Variants in NRG3 observed in about 807,000 individuals in gnomAD.
NRG3 encodes neuregulin 3.
NRG3 carries 31 observed loss-of-function variants against 66.9 expected under a neutral mutation model. That is an observed-to-expected ratio of 0.46 (90% CI 0.35 to 0.63). The LOEUF (loss-of-function observed/expected upper bound fraction) is 0.63, where lower values mean the gene tolerates loss of function less well. Ranked by LOEUF, NRG3 falls within the 20% of genes least tolerant of loss-of-function variation. The pLI is 0.00. For synonymous variants in NRG3, 393 were observed against 359.4 expected, an observed-to-expected ratio of 1.09 and a Z score of -1.06; for missense variants, 910 against 878.9, an observed-to-expected ratio of 1.04 and a Z score of -0.45.
chr10:82,620,675 G>T (rs11595642), intron 2 of NRG3, among the ~76,000 whole-genome samples: 20,056 of 152,126 alleles, frequency 0.13, 1,656 homozygotes, highest in Admixed American at 0.22. Flanking sequence ...CAAAAAGAAA[G>T]AATCAGGAGA....
Position 82,816,680 on chromosome 10 carries a change from A to C in NRG3, c.1028-48731A>C, listed in dbSNP as rs185776856. The stretch of plus-strand genomic sequence containing the variant: ...TCCTACTTCCTTAATCATGTTGTCC[A>C]TAGTGCCCAGTCTGTTCAAGTGGAG... On this transcript the variant is annotated intron_variant, in intron 3 of 8. Transcript: ENST00000372141. 2.0e-5 allele frequency among the ~76,000 whole-genome samples: 3 copies of C among 152,256 alleles called. No individual in the cohort carries two copies. In the East Asian group the frequency reaches 5.8e-4, roughly 30 times the overall value.
intron 2 of NRG3, among the ~76,000 whole-genome samples, chr10:82,402,140 C>A (rs1312055615): frequency 2.0e-5 from 3 of 151,706 alleles, no homozygotes; most frequent in African/African-American, 4.8e-5. Context: ...AAATATTTAG[C>A]CTCTTATGTT....
intron 1 of NRG3, among the ~76,000 whole-genome samples, chr10:82,024,898 A>T (rs1459213883): frequency 6.6e-6 from 1 of 152,084 alleles, no homozygotes. Flanking sequence ...ATCATAATTT[A>T]TTTGAGAGGT....
At chr10:82,010,059 C>A (rs1435461819) in intron 1 of NRG3, among the ~76,000 whole-genome samples, 3 of 152,130 alleles carry the variant, frequency 2.0e-5, no homozygotes, top group Non-Finnish European at 4.4e-5. Context: ...CAGACTGTGT[C>A]CACAATGCAG....
At chr10:81,939,503 G>A (rs914954320) in intron 1 of NRG3, among the ~76,000 whole-genome samples, 3 of 151,844 alleles carry the variant, frequency 2.0e-5, no homozygotes, top group African/African-American at 4.8e-5. Context: ...TTGGTAAGTT[G>A]TATGTTTCTA....
intron 1 of NRG3, among the ~76,000 whole-genome samples, chr10:82,220,897 T>A (rs113128554): frequency 5.9e-5 from 9 of 152,200 alleles, no homozygotes; most frequent in African/African-American, 2.2e-4. Context: ...CTTCAGAGGA[T>A]TGCTTGAGCC....
At chr10:82,327,785 A>G (rs2081949164) in intron 1 of NRG3, among the ~76,000 whole-genome samples, 1 of 152,182 alleles carries the variant, frequency 6.6e-6, no homozygotes, top group Non-Finnish European at 1.5e-5. Flanking sequence ...CTTAAACAAC[A>G]GAAATTTCTC....
At chr10:82,153,529 G>A (rs549848921) in intron 1 of NRG3, among the ~76,000 whole-genome samples, 1 of 151,892 alleles carries the variant, frequency 6.6e-6, no homozygotes, top group Admixed American at 6.6e-5. Flanking sequence ...AATTATGAGT[G>A]CAGGTATCTC....
At position 81,903,431 on chromosome 10, in the gene NRG3, A is replaced by G. The variant is rs980323618; in HGVS notation, c.823+27268A>G. Among the ~76,000 whole-genome samples the G allele has an allele frequency of 2.6e-5, 4 of 152,208 alleles. No individual in the cohort carries two copies. In the South Asian group the frequency reaches 6.2e-4, roughly 24 times the overall value. ...AGTCCAAGCAGTGGGTTAACATGAT[A>G]AAGGAAAACAAAATTAAATAAGCTG... On this transcript the variant is annotated intron_variant, in intron 1 of 8. Transcript: ENST00000372141.
intron 1 of NRG3, among the ~76,000 whole-genome samples, chr10:81,902,900 T>C (rs1451983135): frequency 1.3e-5 from 2 of 152,182 alleles, no homozygotes. Flanking sequence ...CTAACTACAC[T>C]GTATTGAGCA....
chr10:82,406,761 C>G (rs1010864042), intron 2 of NRG3, among the ~76,000 whole-genome samples: 1 of 152,044 alleles, frequency 6.6e-6, no homozygotes, highest in Admixed American at 6.6e-5. Flanking sequence ...TGTCTAATCC[C>G]ATGAGCTTGG....
intron 3 of NRG3, among the ~76,000 whole-genome samples, chr10:82,807,919 G>A (rs2061351394): frequency 6.6e-6 from 1 of 151,878 alleles, no homozygotes; most frequent in African/African-American, 2.4e-5. Context: ...ACTATTCCTT[G>A]TTTACAAATC....
intron 2 of NRG3, among the ~76,000 whole-genome samples, chr10:82,426,034 C>T (rs139639960): frequency 1.3e-5 from 2 of 152,260 alleles, no homozygotes; most frequent in African/African-American, 2.4e-5. Context: ...TAAGGTAAAA[C>T]GGGTTTTGCT....
chr10:81,997,668 G>T lies in NRG3; in HGVS notation c.823+121505G>T, dbSNP rs1434014342. ...TGCATGTCACAGGGCTTGGGAAAAT[G>T]AAGATGATGTCTGAGTCATGTGTAG... On this transcript the variant is annotated intron_variant, in intron 1 of 8. Transcript: ENST00000372141. Among the ~76,000 whole-genome samples the T allele has an allele frequency of 2.0e-5, 3 of 152,178 alleles. No homozygotes were observed. In the East Asian group the frequency reaches 5.8e-4, roughly 29 times the overall value.
intron 2 of NRG3, among the ~76,000 whole-genome samples, chr10:82,445,032 A>G (rs944591585): frequency 1.3e-5 from 2 of 152,226 alleles, no homozygotes; most frequent in Admixed American, 6.5e-5. Flanking sequence ...GAGACAGTTG[A>G]GATGCTAATT....
At chr10:82,895,162 G>T (rs1330213670) in intron 4 of NRG3, among the ~76,000 whole-genome samples, 5 of 152,066 alleles carry the variant, frequency 3.3e-5, no homozygotes, top group Non-Finnish European at 7.4e-5. Context: ...CTAGTTTTAT[G>T]ATTCATTTCT....
intron 2 of NRG3, among the ~76,000 whole-genome samples, chr10:82,532,427 A>G (rs989648613): frequency 6.7e-6 from 1 of 149,916 alleles, no homozygotes. Flanking sequence ...ATATAGTACT[A>G]TACAATGGAT....
chr10:82,632,024 C>A (rs531374786), intron 2 of NRG3, among the ~76,000 whole-genome samples: 1 of 152,180 alleles, frequency 6.6e-6, no homozygotes, highest in East Asian at 1.9e-4. Flanking sequence ...ATCACTTGAA[C>A]CCGGGAGACA....
At chr10:82,281,842 C>T (rs527538078) in intron 1 of NRG3, among the ~76,000 whole-genome samples, 31 of 152,036 alleles carry the variant, frequency 2.0e-4, no homozygotes, top group Non-Finnish European at 4.0e-4. Flanking sequence ...TTGTTTTTGT[C>T]TGTATCAGTT....
Sources: gnomAD v4.1 joint callset for allele counts (sites outside exome capture counted in the v4.1 genomes callset) on GRCh38, gnomAD v4.1.1 for gene constraint, MANE v1.5 for transcripts, NCBI Gene and HGNC (gene_info 2026-07-23, HGNC 2026-07-21) for gene names.